RAI14: variants seen among roughly 807,000 people sequenced by gnomAD.
RAI14 encodes the protein retinoic acid induced 14, also known as ankycorbin.
RAI14 carries 45 observed loss-of-function variants against 115.4 expected under a neutral mutation model. That is an observed-to-expected ratio of 0.39 (90% CI 0.31 to 0.50). The LOEUF (loss-of-function observed/expected upper bound fraction) is 0.50, where lower values mean the gene tolerates loss of function less well. RAI14 is among the 20% of genes least tolerant of loss of function. RAI14 has a pLI of 0.85. For synonymous variants in RAI14, 371 were observed against 415.4 expected, an observed-to-expected ratio of 0.89 and a Z score of 1.30; for missense variants, 939 against 1,131.2, an observed-to-expected ratio of 0.83 and a Z score of 2.44.
chr5:34,736,175 C>A (rs758088583), intron 2 of RAI14, among the ~76,000 whole-genome samples: 1 of 152,148 alleles, frequency 6.6e-6, no homozygotes, highest in Non-Finnish European at 1.5e-5. Flanking sequence ...CCAAGGCGGG[C>A]GGATCACCTG....
rs563131810 is a variant in RAI14 at position 34,811,685 on chromosome 5, T to G, written c.558-82T>G. On this transcript the variant is annotated intron_variant, in intron 8 of 17. Coordinates refer to ENST00000265109, the MANE Select transcript of RAI14 (RefSeq NM_015577.3). Reference sequence around the variant, plus strand: ...TTTAACTGCACTTAATCTTCTTTTCTCTTTTTTTAAGACAACTGATTTCCC... The same window carrying G: ...TTTAACTGCACTTAATCTTCTTTTCGCTTTTTTTAAGACAACTGATTTCCC... 3.0e-5 allele frequency: 39 copies of G among 1,290,472 alleles called. No individual in the cohort carries two copies. The African/African-American group carries it at 5.6e-4, about 19-fold the overall frequency. 79.9% of individuals were successfully genotyped at this position (1,290,472 alleles called of 1,614,324 possible).
intron 3 of RAI14, among the ~76,000 whole-genome samples, chr5:34,794,029 T>C (rs891882108): frequency 4.6e-5 from 7 of 152,190 alleles, no homozygotes; most frequent in African/African-American, 1.4e-4. Flanking sequence ...GGTGGACTTA[T>C]TGTAAAATGA....
intron 3 of RAI14, among the ~76,000 whole-genome samples, chr5:34,764,507 T>C (rs1359753415): frequency 4.0e-5 from 6 of 151,584 alleles, no homozygotes; most frequent in Admixed American, 4.0e-4. Context: ...ATAGGTAGGC[T>C]GAGGAAGGCC....
intron 1 of RAI14, chr5:34,684,794 A>G (rs1744675927): frequency 6.6e-6 from 1 of 152,162 alleles, no homozygotes; most frequent in African/African-American, 2.4e-5. Context: ...TGTTTAGAAT[A>G]ATTAGGATGT....
At chr5:34,770,547 G>A (rs1750018530) in intron 3 of RAI14, among the ~76,000 whole-genome samples, 2 of 152,226 alleles carry the variant, frequency 1.3e-5, no homozygotes, top group Non-Finnish European at 2.9e-5. Context: ...ACATTGGACT[G>A]TGCGAATAAA....
At chr5:34,807,539 T>C (rs1179079498) in intron 5 of RAI14, among the ~76,000 whole-genome samples, 1 of 151,946 alleles carries the variant, frequency 6.6e-6, no homozygotes, top group Non-Finnish European at 1.5e-5. Context: ...GTATGTCTAT[T>C]AGCTGGTGGG....
intron 2 of RAI14, among the ~76,000 whole-genome samples, chr5:34,707,838 T>G (rs1740891730): frequency 6.6e-6 from 1 of 152,208 alleles, no homozygotes; most frequent in Non-Finnish European, 1.5e-5. Context: ...AGTTATTTTT[T>G]CACATTTCCT....
At chr5:34,778,534 A>G (rs1365018035) in intron 3 of RAI14, among the ~76,000 whole-genome samples, 2 of 152,172 alleles carry the variant, frequency 1.3e-5, no homozygotes, top group Non-Finnish European at 2.9e-5. Context: ...AGTGACCAGC[A>G]TCCCTGTCAC....
At chr5:34,771,545 A>G (rs1750157131) in intron 3 of RAI14, among the ~76,000 whole-genome samples, 1 of 152,200 alleles carries the variant, frequency 6.6e-6, no homozygotes, top group South Asian at 2.1e-4. Flanking sequence ...ATTATTCTGA[A>G]AGATAGAAGG....
chr5:34,775,556 C>A (rs910425456), intron 3 of RAI14, among the ~76,000 whole-genome samples: 20 of 151,924 alleles, frequency 1.3e-4, no homozygotes, highest in Middle Eastern at 3.2e-3. Context: ...AACATGGGAG[C>A]CCTCATCTCT....
At chr5:34,680,193 T>A (rs528909596) in intron 1 of RAI14, among the ~76,000 whole-genome samples, 7 of 152,332 alleles carry the variant, frequency 4.6e-5, no homozygotes, top group African/African-American at 1.7e-4. Flanking sequence ...TGCAGAGAAC[T>A]ATGAAGTGAT....
intron 6 of RAI14, 112 bp from the exon 7 acceptor site, chr5:34,808,472 G>A (rs1334301297): frequency 4.3e-6 from 4 of 933,124 alleles, no homozygotes; most frequent in African/African-American, 1.6e-5. Flanking sequence ...CAACTAGAGT[G>A]AATATATGTA....
chr5:34,743,587 G>A (rs1745796999), intron 2 of RAI14, among the ~76,000 whole-genome samples: 1 of 152,176 alleles, frequency 6.6e-6, no homozygotes, highest in African/African-American at 2.4e-5. Flanking sequence ...CAGTCACTTA[G>A]GACTTACATG....
chr5:34,803,668 G>A, intron 4 of RAI14, 44 bp from the exon 5 acceptor site: 4 of 1,482,220 alleles, frequency 2.7e-6, no homozygotes, highest in Admixed American at 2.0e-5. Flanking sequence ...TTTTTAAAGT[G>A]TGGCCTTTTT....
chr5:34,741,849 A>G (rs1178845646), intron 2 of RAI14, among the ~76,000 whole-genome samples: 1 of 152,170 alleles, frequency 6.6e-6, no homozygotes, highest in Non-Finnish European at 1.5e-5. Context: ...CAGGGAAGAC[A>G]AGTTAAAAGA....
At position 34,757,565 on chromosome 5, in the gene RAI14, G is replaced by A. The variant is rs35941954; in HGVS notation, c.134G>A (p.Ser45Asn). 7.2e-4 allele frequency: 1,159 copies of A among 1,613,794 alleles called. 7 individuals are homozygous for A. The African/African-American group carries it at 0.013, about 18-fold the overall frequency. The stretch of plus-strand genomic sequence containing the variant: ...TCACTGCTCGGCAAGAAGGGGGCCA[G>A]TGCCACCAAACACGACAGTGAGGGC... ...VASLLGKKGA[S>N]ATKHDSEGKT... The change falls in exon 3 of 18, where the codon AGT (serine) becomes AAT (asparagine). Residue 45 changes from serine (S) to asparagine (N), a missense_variant. Ser to Asn is a conservative substitution (Grantham distance 46, BLOSUM62 1). Coordinates refer to ENST00000265109, the MANE Select transcript of RAI14 (RefSeq NM_015577.3).
chr5:34,684,340 C>T (rs1168809827), intron 1 of RAI14, among the ~76,000 whole-genome samples: 1 of 152,170 alleles, frequency 6.6e-6, no homozygotes, highest in African/African-American at 2.4e-5. Flanking sequence ...TAAAAGATTG[C>T]ATTTAGTCCC....
chr5:34,763,242 C>T (rs978384989), intron 3 of RAI14, among the ~76,000 whole-genome samples: 3 of 152,076 alleles, frequency 2.0e-5, no homozygotes, highest in African/African-American at 7.2e-5. Flanking sequence ...CGAGTTATAC[C>T]ACCTGATCAG....
chr5:34,688,423 G>A, intron 2 of RAI14: 1 of 526,010 alleles, frequency 1.9e-6, no homozygotes. Context: ...TATATGAACA[G>A]GGGCCCAGAG....
Sources: allele counts gnomAD v4.1 joint callset (sites outside exome capture counted in the v4.1 genomes callset), GRCh38; gene constraint gnomAD v4.1.1; transcripts MANE v1.5; gene names NCBI Gene and HGNC (gene_info 2026-07-23, HGNC 2026-07-21).